KIAA1958: variants seen among roughly 807,000 people sequenced by gnomAD.
The protein encoded by KIAA1958 is KIAA1958.
KIAA1958 carries 14 observed loss-of-function variants against 47.2 expected under a neutral mutation model. That is an observed-to-expected ratio of 0.30 (90% CI 0.20 to 0.46). The LOEUF is 0.46. Ranked by LOEUF, KIAA1958 falls within the 20% of genes least tolerant of loss-of-function variation. The pLI, the probability that KIAA1958 is intolerant of heterozygous loss-of-function variation, is 1.00. For synonymous variants in KIAA1958, 354 were observed against 353.3 expected (o/e 1.00, Z -0.02); for missense variants, 803 against 909.2 (o/e 0.88, Z 1.50).
intron 1 of KIAA1958, among the ~76,000 whole-genome samples, chr9:112,564,270 T>A (rs1294590240): frequency 6.6e-6 from 1 of 152,204 alleles, no homozygotes; most frequent in Non-Finnish European, 1.5e-5. Flanking sequence ...AGCCTTCTTT[T>A]TGGAGAAGTT....
At chr9:112,577,361 T>C (rs151251015) in intron 2 of KIAA1958, among the ~76,000 whole-genome samples, 77 of 152,236 alleles carry the variant, frequency 5.1e-4, no homozygotes, top group African/African-American at 1.7e-3. Context: ...AACAATGTGG[T>C]CCTTGACTAA....
chr9:112,611,479 A>G (rs1019588654), intron 2 of KIAA1958, among the ~76,000 whole-genome samples: 4 of 152,062 alleles, frequency 2.6e-5, no homozygotes, highest in African/African-American at 4.8e-5. Context: ...TAAGAATAGC[A>G]TTACAGAAAA....
intron 1 of KIAA1958, among the ~76,000 whole-genome samples, chr9:112,557,602 A>G (rs1179540707): frequency 6.6e-6 from 1 of 152,188 alleles, no homozygotes; most frequent in Admixed American, 6.5e-5. Context: ...GCATCATCTC[A>G]TGAGACAGTA....
At position 112,583,756 on chromosome 9, in the gene KIAA1958, T is replaced by TA. The variant is rs1835774704; in HGVS notation, c.1171+8506dup. 1.3e-5 allele frequency among the ~76,000 whole-genome samples: 2 copies of TA among 152,206 alleles called. 1 individual carries two copies. Among genetic ancestry groups the TA allele is most frequent in the African/African-American group, 4.8e-5 (2 of 41,446 alleles). ...ATGAACATTACGATGTAGTGTGTGTTACACAGACACACACACTTAATTAAA... is the reference window on the plus strand; with the variant it reads ...ATGAACATTACGATGTAGTGTGTGTTAACACAGACACACACACTTAATTAAA... On this transcript the variant is annotated intron_variant, in intron 2 of 3. Coordinates refer to ENST00000337530, the MANE Select transcript of KIAA1958 (RefSeq NM_133465.4).
chr9:112,527,077 C>G lies in KIAA1958; in HGVS notation c.-25+39959C>G, dbSNP rs531971910. ...AGACACATTTGTACTTTTATACTGA[C>G]TGTTCTCTTTGCCAGGAATTTTCTT... On this transcript the variant is annotated intron_variant, in intron 1 of 3. Coordinates refer to ENST00000337530, the MANE Select transcript of KIAA1958 (RefSeq NM_133465.4). 4.6e-5 allele frequency among the ~76,000 whole-genome samples: 7 copies of G among 152,280 alleles called. No homozygotes were observed. In the East Asian group the frequency reaches 1.3e-3, roughly 29 times the overall value.
At chr9:112,571,894 C>T (rs1352177998) in intron 1 of KIAA1958, among the ~76,000 whole-genome samples, 3 of 141,590 alleles carry the variant, frequency 2.1e-5, no homozygotes, top group African/African-American at 5.2e-5. Context: ...CAATCTATGT[C>T]TTTTTTTTTT....
intron 1 of KIAA1958, among the ~76,000 whole-genome samples, chr9:112,502,992 TA>T (rs1484643446): frequency 6.6e-6 from 1 of 152,238 alleles, no homozygotes; most frequent in East Asian, 1.9e-4. Context: ...CACCATGTGT[TA>T]GGTACTTTTC....
chr9:112,589,895 G>T (rs1357127203), intron 2 of KIAA1958, among the ~76,000 whole-genome samples: 3 of 152,210 alleles, frequency 2.0e-5, no homozygotes, highest in Non-Finnish European at 2.9e-5. Flanking sequence ...ATAGTGGGGA[G>T]TAGGGATGTC....
chr9:112,491,937 A>G (rs1044928912), intron 1 of KIAA1958, among the ~76,000 whole-genome samples: 1 of 151,964 alleles, frequency 6.6e-6, no homozygotes, highest in Non-Finnish European at 1.5e-5. Context: ...GTTTTTTCTT[A>G]TATTTTCCTC....
intron 1 of KIAA1958, among the ~76,000 whole-genome samples, chr9:112,558,412 T>A (rs1398623604): frequency 6.6e-6 from 1 of 152,198 alleles, no homozygotes; most frequent in Non-Finnish European, 1.5e-5. Context: ...AAGGACATTT[T>A]TGTGCTTTTG....
intron 1 of KIAA1958, among the ~76,000 whole-genome samples, chr9:112,567,480 A>G (rs943548815): frequency 1.3e-5 from 2 of 152,204 alleles, no homozygotes; most frequent in South Asian, 4.1e-4. Flanking sequence ...AGAAAGGGAA[A>G]GAACTAAGGG....
chr9:112,614,064 A>T (rs150817363), intron 2 of KIAA1958, among the ~76,000 whole-genome samples: 1,937 of 152,340 alleles, frequency 0.013, 22 homozygotes, highest in Middle Eastern at 0.027. Context: ...ACACAATGGA[A>T]TGTTGTGCAG....
chr9:112,495,055 A>G (rs6477942), intron 1 of KIAA1958, among the ~76,000 whole-genome samples: 42,446 of 151,334 alleles, frequency 0.28, 6,237 homozygotes, highest in Middle Eastern at 0.39. Context: ...AGTAGCTAGG[A>G]CTGTGGATGT....
intron 2 of KIAA1958, among the ~76,000 whole-genome samples, chr9:112,633,744 C>T (rs982621272): frequency 6.6e-6 from 1 of 152,124 alleles, no homozygotes; most frequent in African/African-American, 2.4e-5. Flanking sequence ...GCTTCTTTTG[C>T]TTAACATTAT....
intron 1 of KIAA1958, among the ~76,000 whole-genome samples, chr9:112,547,422 C>T (rs897574203): frequency 1.3e-4 from 20 of 148,928 alleles, no homozygotes; most frequent in African/African-American, 4.7e-4. Context: ...CCCCAACTAA[C>T]TGAACGGACC....
chr9:112,555,946 G>A (rs1203183875), intron 1 of KIAA1958, among the ~76,000 whole-genome samples: 4 of 152,114 alleles, frequency 2.6e-5, no homozygotes, highest in African/African-American at 7.2e-5. Context: ...CTGGTGACAC[G>A]TGCCTATAAT....
chr9:112,639,439 T>C (rs535155933), intron 2 of KIAA1958, among the ~76,000 whole-genome samples: 3 of 152,242 alleles, frequency 2.0e-5, no homozygotes, highest in Admixed American at 6.5e-5. Context: ...GACACCCTCC[T>C]ACATGGAAGC....
chr9:112,494,426 TG>T (rs1488403450), intron 1 of KIAA1958, among the ~76,000 whole-genome samples: 2 of 152,044 alleles, frequency 1.3e-5, no homozygotes, highest in African/African-American at 4.8e-5. Context: ...TCTATTTTTA[TG>T]TTTTTTTCTA....
intron 1 of KIAA1958, among the ~76,000 whole-genome samples, chr9:112,503,251 T>C (rs1371818290): frequency 6.6e-6 from 1 of 152,116 alleles, no homozygotes; most frequent in Admixed American, 6.5e-5. Flanking sequence ...TTAAAATGAA[T>C]GAGAGGGCTT....
Sources: gnomAD v4.1 joint callset for allele counts (sites outside exome capture counted in the v4.1 genomes callset) on GRCh38, gnomAD v4.1.1 for gene constraint, MANE v1.5 for transcripts, NCBI Gene and HGNC (gene_info 2026-07-23, HGNC 2026-07-21) for gene names.